The following ESR1 variants were observed in gnomAD, a reference collection of about 807,000 sequenced individuals.
ESR1 encodes estrogen receptor.
A neutral mutation model predicts 52.7 loss-of-function variants in ESR1; 12 were observed. The observed-to-expected ratio is 0.23, with a 90% CI of 0.15 to 0.37. The LOEUF is 0.37. ESR1 is among the 10% of genes least tolerant of loss of function. The pLI, the probability that ESR1 is intolerant of heterozygous loss-of-function variation, is 1.00. For missense variants in ESR1, 584 were observed against 779.7 expected, an observed-to-expected ratio of 0.75 and a Z score of 2.99; for synonymous variants, 305 against 316.8, an observed-to-expected ratio of 0.96 and a Z score of 0.39.
chr6:151,677,491 T>A (rs1404459472), intron 1 of ESR1, among the ~76,000 whole-genome samples: 1 of 152,204 alleles, frequency 6.6e-6, no homozygotes, highest in Non-Finnish European at 1.5e-5. Flanking sequence ...AGGCTTAGGG[T>A]GTCCGGTTTT....
chr6:152,098,676 C>T lies in ESR1; in HGVS notation c.1554-56C>T. 1 of 1,427,856 alleles carries T rather than the reference C, an allele frequency of 7.0e-7. No homozygotes were observed. 88.4% of individuals were successfully genotyped at this position (1,427,856 alleles called of 1,614,324 possible). A position where few individuals can be genotyped will look rare whatever the true frequency, so the allele number is the denominator to read the frequency against. ...CCTTCCCCTTCTAGGGATTTCAGCA[C>T]TCCTGGGGCTCGGGTTGGCTCTAAA... On this transcript the variant is annotated intron_variant, in intron 7 of 7. Coordinates refer to ENST00000206249, the MANE Select transcript of ESR1 (RefSeq NM_000125.4). This position sits in a 1 kb window ranked among gnomAD's most constrained non-coding sequence, Gnocchi z 5.1.
chr6:151,868,971 C>T (rs1172554016), intron 2 of ESR1, among the ~76,000 whole-genome samples: 3 of 152,130 alleles, frequency 2.0e-5, no homozygotes, highest in Non-Finnish European at 4.4e-5. Flanking sequence ...CACCCCCACA[C>T]CAGAGCTTAG....
chr6:152,048,497 T>C (rs969544931), intron 5 of ESR1, among the ~76,000 whole-genome samples: 10 of 152,152 alleles, frequency 6.6e-5, no homozygotes, highest in Non-Finnish European at 4.4e-5. Flanking sequence ...ATTGATCAAA[T>C]TAACAGCTTT....
intron 3 of ESR1, among the ~76,000 whole-genome samples, chr6:151,919,535 A>G (rs539386153): frequency 6.6e-6 from 1 of 152,324 alleles, no homozygotes; most frequent in South Asian, 2.1e-4. Context: ...CATCCAATAA[A>G]TGTTAATTGA....
chr6:151,731,402 G>A (rs1419061585), intron 2 of ESR1, among the ~76,000 whole-genome samples: 1 of 151,800 alleles, frequency 6.6e-6, no homozygotes, highest in Non-Finnish European at 1.5e-5. Context: ...GTTTTTTGGG[G>A]GGTTTGCTTT....
At chr6:151,993,186 T>C (rs2041179524) in intron 4 of ESR1, among the ~76,000 whole-genome samples, 1 of 152,198 alleles carries the variant, frequency 6.6e-6, no homozygotes, top group Non-Finnish European at 1.5e-5. Flanking sequence ...GATTTTTATA[T>C]ATATGTAAAA....
intron 4 of ESR1, among the ~76,000 whole-genome samples, chr6:151,970,448 T>C (rs1241748704): frequency 6.6e-5 from 10 of 152,144 alleles, no homozygotes; most frequent in Admixed American, 5.2e-4. Context: ...AGGTTGAGTC[T>C]TTCTGGTCTT....
chr6:151,998,103 C>T (rs1255367025), intron 4 of ESR1, among the ~76,000 whole-genome samples: 1 of 152,110 alleles, frequency 6.6e-6, no homozygotes, highest in Non-Finnish European at 1.5e-5. Flanking sequence ...TAGATATTTT[C>T]CTTGGGCTTA....
In ESR1 at chr6:152,115,044, T is replaced by C. The variant is rs531548097; in HGVS notation, c.851-10222T>C. On this transcript the variant is annotated intron_variant, in intron 6 of 6. Coordinates refer to the ESR1 transcript ENST00000427531. Reference sequence around the variant, plus strand: ...CTCCTTGATGTAATTTAAATACAAATGTTTAAAGTGCTTTCCCCACTCTGA... The same window carrying C: ...CTCCTTGATGTAATTTAAATACAAACGTTTAAAGTGCTTTCCCCACTCTGA... Among the ~76,000 whole-genome samples the C allele has an allele frequency of 3.9e-5, 6 of 152,224 alleles. No homozygotes were observed. The South Asian group carries it at 8.3e-4, about 21-fold the overall frequency.
In ESR1 at chr6:151,833,973, A is replaced by G. The variant is rs534776299; in HGVS notation, c.453-8624A>G. Among the ~76,000 whole-genome samples, 174 of 152,312 alleles carry G rather than the reference A, an allele frequency of 1.1e-3. 1 individual carries two copies. Among genetic ancestry groups the G allele is most frequent in the Admixed American group, 4.8e-3 (73 of 15,298 alleles). On this transcript the variant is annotated intron_variant, in intron 1 of 7. Coordinates refer to ENST00000206249, the MANE Select transcript of ESR1 (RefSeq NM_000125.4). Reference sequence around the variant, plus strand: ...ATCTCATCATCACTGGCCATTAGAGAAATGCAAATCAAAACCACAATGATA... The same window carrying G: ...ATCTCATCATCACTGGCCATTAGAGGAATGCAAATCAAAACCACAATGATA...
intron 3 of ESR1, among the ~76,000 whole-genome samples, chr6:151,938,489 A>G (rs956827516): frequency 2.6e-5 from 4 of 152,198 alleles, no homozygotes; most frequent in Non-Finnish European, 5.9e-5. Flanking sequence ...GGGCCAGGAC[A>G]TAATTATTTA....
chr6:151,758,592 C>T (rs1784441093), intron 2 of ESR1, among the ~76,000 whole-genome samples: 1 of 151,924 alleles, frequency 6.6e-6, no homozygotes, highest in Non-Finnish European at 1.5e-5. Context: ...GAAACCGCAT[C>T]TCTACTAAAA....
chr6:151,768,485 A>G (rs1785243092), intron 2 of ESR1, among the ~76,000 whole-genome samples: 1 of 152,210 alleles, frequency 6.6e-6, no homozygotes, highest in African/African-American at 2.4e-5. Context: ...CTTGGGTCAG[A>G]AAATGGGCAT....
chr6:151,816,562 A>G (rs752655332), intron 1 of ESR1, among the ~76,000 whole-genome samples: 8 of 152,298 alleles, frequency 5.3e-5, no homozygotes, highest in Non-Finnish European at 1.0e-4. Context: ...GAGTATGGGA[A>G]TTCTCTACGG....
chr6:152,086,786 G>A (rs981679122), intron 6 of ESR1, among the ~76,000 whole-genome samples: 10 of 151,898 alleles, frequency 6.6e-5, no homozygotes, highest in Non-Finnish European at 1.3e-4. Context: ...CTTCACTGTC[G>A]TCTCTCTTTG....
intron 5 of ESR1, among the ~76,000 whole-genome samples, chr6:152,030,048 A>G (rs1462344913): frequency 2.0e-5 from 3 of 152,236 alleles, no homozygotes; most frequent in Non-Finnish European, 4.4e-5. Flanking sequence ...ACTAAGCTTC[A>G]TAAGTGAAGG....
intron 2 of ESR1, among the ~76,000 whole-genome samples, chr6:151,772,808 C>T (rs1188025185): frequency 6.6e-6 from 1 of 152,196 alleles, no homozygotes. Context: ...AAGAGAAAAG[C>T]TCTGGGTGGT....
Position 151,808,338 on chromosome 6 carries a change from C to A in ESR1, c.426C>A (p.Arg142=). ...LENEPSGYTV[R]EAGPPAFYRP... is the part of the protein sequence containing the mutation. Reference sequence around the variant, plus strand: ...ACGAGCCCAGCGGCTACACGGTGCGCGAGGCCGGCCCGCCGGCATTCTACA... The same window carrying A: ...ACGAGCCCAGCGGCTACACGGTGCGAGAGGCCGGCCCGCCGGCATTCTACA... Residue 142 remains arginine (R), a synonymous_variant, in exon 1 of 8, where the codon CGC becomes CGA. Transcript: ENST00000206249. 1.4e-6 allele frequency: 2 copies of A among 1,481,246 alleles called. No homozygotes were observed. The highest frequency in any genetic ancestry group is 2.1e-5 in the Admixed American group (1 of 47,898). 91.8% of individuals were successfully genotyped at this position (1,481,246 alleles called of 1,614,324 possible).
At chr6:151,752,460 T>C (rs1443123101) in intron 2 of ESR1, among the ~76,000 whole-genome samples, 1 of 149,126 alleles carries the variant, frequency 6.7e-6, no homozygotes, top group Non-Finnish European at 1.5e-5. Flanking sequence ...ATATCTATAC[T>C]GCAACTGCTT....
Sources: allele counts gnomAD v4.1 joint callset (sites outside exome capture counted in the v4.1 genomes callset), GRCh38; gene constraint gnomAD v4.1.1; non-coding constraint Gnocchi (gnomAD v3.1); transcripts MANE v1.5; gene names NCBI Gene and HGNC (gene_info 2026-07-23, HGNC 2026-07-21).